UNC5D: variants seen among roughly 807,000 people sequenced by gnomAD.
The protein encoded by UNC5D is netrin receptor UNC5D.
Under a neutral mutation model 105.4 loss-of-function variants are expected in UNC5D, and 39 were observed. The observed-to-expected ratio is 0.37, with a 90% CI of 0.29 to 0.48. UNC5D has a LOEUF of 0.48. Among genes scored for constraint, UNC5D ranks in the 20% least tolerant of loss-of-function variants. The probability of loss-of-function intolerance (pLI) is 0.98; values close to 1 mark genes in which losing one functional copy is unlikely to be tolerated. For synonymous variants in UNC5D, 452 were observed against 450.4 expected (o/e 1.00, Z -0.04); for missense variants, 991 against 1,202.4 (o/e 0.82, Z 2.60).
At chr8:35,586,855 A>G (rs1052106667) in intron 3 of UNC5D, among the ~76,000 whole-genome samples, 2 of 152,216 alleles carry the variant, frequency 1.3e-5, no homozygotes, top group Non-Finnish European at 2.9e-5. Context: ...GAATGAGCCG[A>G]TAACTCCCTG....
intron 1 of UNC5D, among the ~76,000 whole-genome samples, chr8:35,388,182 T>C (rs1803548391): frequency 6.6e-6 from 1 of 151,966 alleles, no homozygotes; most frequent in Admixed American, 6.6e-5. Flanking sequence ...AAGACCAATG[T>C]GGTAAACCCC....
At chr8:35,333,536 G>A (rs1810793072) in intron 1 of UNC5D, among the ~76,000 whole-genome samples, 1 of 152,150 alleles carries the variant, frequency 6.6e-6, no homozygotes, top group Non-Finnish European at 1.5e-5. Flanking sequence ...CTGGAGTGCA[G>A]TGGCGCAATC....
At chr8:35,300,865 T>C (rs1807901296) in intron 1 of UNC5D, among the ~76,000 whole-genome samples, 1 of 152,258 alleles carries the variant, frequency 6.6e-6, no homozygotes, top group Non-Finnish European at 1.5e-5. Flanking sequence ...GGGAGGAATA[T>C]AGAATAAACC....
At chr8:35,574,493 G>C (rs1235081052) in intron 3 of UNC5D, among the ~76,000 whole-genome samples, 6 of 152,098 alleles carry the variant, frequency 3.9e-5, no homozygotes, top group Admixed American at 3.3e-4. Context: ...AATTAAAAGA[G>C]AATTTCATTC....
At chr8:35,480,270 T>C (rs1038759565) in intron 1 of UNC5D, among the ~76,000 whole-genome samples, 1 of 152,192 alleles carries the variant, frequency 6.6e-6, no homozygotes, top group African/African-American at 2.4e-5. Context: ...TAAACAGTAA[T>C]ATATGTATTG....
chr8:35,444,501 C>A (rs895597059), intron 1 of UNC5D, among the ~76,000 whole-genome samples: 1 of 151,938 alleles, frequency 6.6e-6, no homozygotes, highest in Non-Finnish European at 1.5e-5. Context: ...AGTGTGCATG[C>A]ATATGCATGA....
intron 1 of UNC5D, among the ~76,000 whole-genome samples, chr8:35,304,419 G>C (rs1808187052): frequency 6.6e-6 from 1 of 151,946 alleles, no homozygotes; most frequent in South Asian, 2.1e-4. Flanking sequence ...GGGAGGAAAA[G>C]AGGAAAAAAA....
intron 4 of UNC5D, among the ~76,000 whole-genome samples, chr8:35,609,567 G>A (rs567453726): frequency 1.9e-4 from 29 of 152,294 alleles, no homozygotes; most frequent in African/African-American, 3.4e-4. Context: ...TGCCTGTTAC[G>A]TGGTCAGGTC....
intron 4 of UNC5D, among the ~76,000 whole-genome samples, chr8:35,659,826 A>G (rs1336246914): frequency 6.6e-6 from 1 of 152,228 alleles, no homozygotes; most frequent in Admixed American, 6.5e-5. Context: ...ACTTTTGCAA[A>G]GTCAGCCCCT....
intron 1 of UNC5D, among the ~76,000 whole-genome samples, chr8:35,237,983 T>C (rs902056183): frequency 1.3e-5 from 2 of 152,196 alleles, no homozygotes; most frequent in Middle Eastern, 3.2e-3. Flanking sequence ...GATGCACTGG[T>C]GTGGCATGCT....
At chr8:35,273,204 G>GT (rs1447539554) in intron 1 of UNC5D, among the ~76,000 whole-genome samples, 1 of 152,176 alleles carries the variant, frequency 6.6e-6, no homozygotes, top group Non-Finnish European at 1.5e-5. Flanking sequence ...TCAGATACAA[G>GT]TTTTTGGAGT....
intron 1 of UNC5D, among the ~76,000 whole-genome samples, chr8:35,415,526 T>C (rs1418548283): frequency 6.6e-6 from 1 of 152,108 alleles, no homozygotes; most frequent in African/African-American, 2.4e-5. Context: ...CAACAACCAC[T>C]CTTTGGTTTC....
chr8:35,240,689 T>G (rs1197157752), intron 1 of UNC5D, among the ~76,000 whole-genome samples: 3 of 152,190 alleles, frequency 2.0e-5, no homozygotes, highest in Non-Finnish European at 2.9e-5. Flanking sequence ...AAAGACAATT[T>G]TTCTGAACTA....
At chr8:35,687,217 G>A (rs1826066424) in intron 7 of UNC5D, among the ~76,000 whole-genome samples, 1 of 152,184 alleles carries the variant, frequency 6.6e-6, no homozygotes, top group Non-Finnish European at 1.5e-5. Context: ...GCCAAGGCAG[G>A]CGGATCGCGA....
At chr8:35,770,568 C>G (rs915885391) in intron 15 of UNC5D, among the ~76,000 whole-genome samples, 4 of 152,134 alleles carry the variant, frequency 2.6e-5, no homozygotes, top group African/African-American at 9.7e-5. Flanking sequence ...ATTGAATTAC[C>G]TAATGATTAC....
At chr8:35,695,195 G>T (rs1324348157) in intron 7 of UNC5D, among the ~76,000 whole-genome samples, 3 of 152,098 alleles carry the variant, frequency 2.0e-5, no homozygotes, top group Non-Finnish European at 2.9e-5. Flanking sequence ...TTGGACAAAA[G>T]AATCAATATC....
chr8:35,699,559 C>T (rs1235682298), intron 7 of UNC5D, among the ~76,000 whole-genome samples: 1 of 152,170 alleles, frequency 6.6e-6, no homozygotes, highest in Non-Finnish European at 1.5e-5. Context: ...CCTCAGATTT[C>T]TCTGGGGAAA....
intron 1 of UNC5D, among the ~76,000 whole-genome samples, chr8:35,448,733 TTAAG>T (rs1236983872): frequency 6.6e-6 from 1 of 152,128 alleles, no homozygotes; most frequent in African/African-American, 2.4e-5. Context: ...ATTGTACCCA[TTAAG>T]TATTTTCTCA....
intron 2 of UNC5D, among the ~76,000 whole-genome samples, chr8:35,553,595 T>A (rs1386505765): frequency 6.6e-6 from 1 of 152,206 alleles, no homozygotes; most frequent in Non-Finnish European, 1.5e-5. Context: ...AGTTTTCTTC[T>A]GTGTAGTTAA....
Sources: allele counts gnomAD v4.1 joint callset (sites outside exome capture counted in the v4.1 genomes callset), GRCh38; gene constraint gnomAD v4.1.1; transcripts MANE v1.5; gene names NCBI Gene and HGNC (gene_info 2026-07-23, HGNC 2026-07-21).